The following AHRR variants were observed in gnomAD, a reference collection of about 807,000 sequenced individuals.
AHRR encodes aryl hydrocarbon receptor repressor.
In AHRR, 28 loss-of-function variants were observed where a neutral mutation model predicts 44.0. The observed-to-expected ratio is 0.64, with a 90% CI of 0.47 to 0.87. The LOEUF (loss-of-function observed/expected upper bound fraction) is 0.87, where lower values mean the gene tolerates loss of function less well. Among genes scored for constraint, AHRR ranks in the 40% least tolerant of loss-of-function variants. The pLI is 0.00. For missense variants in AHRR, 990 were observed against 953.9 expected (o/e 1.04, Z -0.50); for synonymous variants, 434 against 407.0 (o/e 1.07, Z -0.80).
chr5:400,375 G>A (rs1734963019), intron 4 of AHRR, among the ~76,000 whole-genome samples: 1 of 152,164 alleles, frequency 6.6e-6, no homozygotes, highest in Non-Finnish European at 1.5e-5. Flanking sequence ...GCCCTCACCT[G>A]CCTCGGCCCT....
chr5:409,676 A>G (rs980261623), intron 4 of AHRR, among the ~76,000 whole-genome samples: 2 of 150,740 alleles, frequency 1.3e-5, no homozygotes, highest in Non-Finnish European at 3.0e-5. Context: ...TTAATTGTTG[A>G]TTTGTAGCAG....
intron 3 of AHRR, among the ~76,000 whole-genome samples, chr5:374,192 G>A (rs1330859994): frequency 1.3e-5 from 2 of 152,090 alleles, no homozygotes; most frequent in African/African-American, 4.8e-5. Context: ...GGACCTCGGC[G>A]GGGAGCGCCC....
chr5:372,791 T>C (rs1328633724), intron 3 of AHRR, among the ~76,000 whole-genome samples: 1 of 152,166 alleles, frequency 6.6e-6, no homozygotes, highest in African/African-American at 2.4e-5. Flanking sequence ...GCCTTCTGGC[T>C]CCTCCTCCAC....
rs1439264470 is a variant in AHRR, at chr5:423,898, C to T, written c.629C>T (p.Pro210Leu). The change falls in exon 7 of 11, where the codon CCC (proline) becomes CTC (leucine). Residue 210 changes from proline (P) to leucine (L), a missense_variant. Coordinates refer to ENST00000684583, the MANE Select transcript of AHRR (RefSeq NM_001377236.1). ...LRAQEWGTGT[P>L]TEYSAFLTRC... ...GCCCAGGAGTGGGGCACAGGCACGC[C>T]CACCGAGTACTCGGCCTTCCTGACC... The T allele has an allele frequency of 1.1e-5, 18 of 1,604,542 alleles. No individual in the cohort carries two copies. Among genetic ancestry groups the T allele is most frequent in the Non-Finnish European group, 1.4e-5 (17 of 1,179,888 alleles).
At chr5:427,598 G>C in intron 7 of AHRR, 1 of 1,609,612 alleles carries the variant, frequency 6.2e-7, no homozygotes, top group Non-Finnish European at 8.5e-7. Context: ...AGTGGGGGAT[G>C]GTTTCAGGAT....
chr5:426,805 G>A (rs1736424812), intron 7 of AHRR, among the ~76,000 whole-genome samples: 1 of 149,284 alleles, frequency 6.7e-6, no homozygotes. Context: ...TGGATGGATG[G>A]ATGGATAGAT....
intron 4 of AHRR, among the ~76,000 whole-genome samples, chr5:407,880 T>G (rs1254511325): frequency 1.3e-5 from 2 of 152,254 alleles, no homozygotes; most frequent in East Asian, 3.8e-4. Context: ...GTTTTCCTGA[T>G]GTACTATGAT....
At chr5:359,902 G>A (rs963208361) in intron 3 of AHRR, among the ~76,000 whole-genome samples, 1 of 152,144 alleles carries the variant, frequency 6.6e-6, no homozygotes, top group African/African-American at 2.4e-5. Flanking sequence ...TTGAGATTAC[G>A]AGTGATTGTG....
At chr5:332,263 CT>C (rs36049046) in intron 1 of AHRR, among the ~76,000 whole-genome samples, 15,885 of 116,958 alleles carry the variant, frequency 0.14, 3,189 homozygotes, top group African/African-American at 0.46. Context: ...TCTGTTAAGA[CT>C]TTTTTTTTTT....
chr5:418,875 C>G (rs1362251766), intron 5 of AHRR: 1 of 152,944 alleles, frequency 6.5e-6, no homozygotes, highest in Non-Finnish European at 1.5e-5. Flanking sequence ...TGCCATGTGC[C>G]TCTGGCGCAA....
chr5:434,939 C>T lies in AHRR; in HGVS notation c.*105C>T, dbSNP rs978779556. On this transcript the variant is annotated 3_prime_UTR_variant, in exon 11 of 11. Transcript: ENST00000684583. ...AGGCCGGAGCCCGTCCTAAGACACA[C>T]GCTTTGCAGAGCTGTGCATGCGCAG... The T allele has an allele frequency of 3.6e-5, 51 of 1,422,436 alleles. No homozygotes were observed. The highest frequency in any genetic ancestry group is 5.1e-4 in the Middle Eastern group (2 of 3,958). 88.1% of individuals were successfully genotyped at this position (1,422,436 alleles called of 1,614,324 possible).
intron 2 of AHRR, among the ~76,000 whole-genome samples, chr5:347,386 A>C (rs964033126): frequency 2.6e-5 from 4 of 152,208 alleles, no homozygotes; most frequent in Non-Finnish European, 5.9e-5. Flanking sequence ...GTCGATCTTT[A>C]CTTTTGTGGC....
rs1374331247 is a variant in AHRR at position 343,619 on chromosome 5, C to T, written c.-10-274C>T. The T allele has an allele frequency of 1.3e-5, 6 of 459,124 alleles. No homozygotes were observed. The South Asian group carries it at 1.8e-4, about 14-fold the overall frequency. The allele number at this position is 459,124 out of a possible 1,614,324, so 28.4% of individuals were successfully genotyped here. On this transcript the variant is annotated intron_variant, in intron 1 of 10. Coordinates refer to ENST00000684583, the MANE Select transcript of AHRR (RefSeq NM_001377236.1). ...TCCCGCCACGGCGCCCTGAGCCAGG[C>T]TCCAGAGCAGGCGGCTTCTCTGGGG...
At chr5:344,356 C>CGT (rs1742491624) in intron 2 of AHRR, among the ~76,000 whole-genome samples, 1 of 148,134 alleles carries the variant, frequency 6.8e-6, no homozygotes, top group African/African-American at 2.5e-5. Flanking sequence ...CGGGTGTGTG[C>CGT]GTGTGTGGCG....
intron 4 of AHRR, among the ~76,000 whole-genome samples, chr5:382,701 G>A (rs1217227914): frequency 6.6e-6 from 1 of 151,644 alleles, no homozygotes; most frequent in Non-Finnish European, 1.5e-5. Context: ...TCTTTTTCTA[G>A]AGTTTTAAGG....
chr5:354,247 C>T (rs1742964347), intron 3 of AHRR, among the ~76,000 whole-genome samples: 1 of 152,246 alleles, frequency 6.6e-6, no homozygotes, highest in Admixed American at 6.5e-5. Flanking sequence ...GGGGCTGTTC[C>T]TCCCCGTGCT....
rs969680728 is a variant in AHRR at position 326,436 on chromosome 5, C to G, written c.-11+4617C>G. ...GCCAGGGCTTCCTTCCTTTTCATGGCTGAATAATATTTCATCTTATGAAGA... is the reference window on the plus strand; with the variant it reads ...GCCAGGGCTTCCTTCCTTTTCATGGGTGAATAATATTTCATCTTATGAAGA... On this transcript the variant is annotated intron_variant, in intron 1 of 10. Coordinates refer to ENST00000684583, the MANE Select transcript of AHRR (RefSeq NM_001377236.1). The surrounding 1 kb of genome is among the most constrained non-coding windows in gnomAD (Gnocchi z 4.1). 6.6e-6 allele frequency among the ~76,000 whole-genome samples: 1 copy of G among 152,242 alleles called. No homozygotes were observed. Among genetic ancestry groups the G allele is most frequent in the African/African-American group, 2.4e-5 (1 of 41,458 alleles).
chr5:410,853 T>C (rs1735442914), intron 4 of AHRR, among the ~76,000 whole-genome samples: 2 of 152,236 alleles, frequency 1.3e-5, no homozygotes, highest in Non-Finnish European at 1.5e-5. Context: ...TTCTAGTTCT[T>C]CTTATATCAC....
In AHRR at chr5:421,385, C is replaced by G. The variant is rs758214975; in HGVS notation, c.442-1344C>G. The G allele has an allele frequency of 5.0e-6, 3 of 604,212 alleles. No homozygotes were observed. In the African/African-American group the frequency reaches 5.8e-5, roughly 12 times the overall value. The allele number at this position is 604,212 out of a possible 1,614,324, so 37.4% of individuals were successfully genotyped here. A position where few individuals can be genotyped will look rare whatever the true frequency, so the allele number is the denominator to read the frequency against. Reference sequence around the variant, plus strand: ...GTGGAGTCCGCGCACAGTACCAGCCCCCACACGGAGGGCGGCCCGGACTCA... The same window carrying G: ...GTGGAGTCCGCGCACAGTACCAGCCGCCACACGGAGGGCGGCCCGGACTCA... On this transcript the variant is annotated intron_variant, in intron 5 of 10. Coordinates refer to ENST00000684583, the MANE Select transcript of AHRR (RefSeq NM_001377236.1).
Sources: gnomAD v4.1 joint callset for allele counts (sites outside exome capture counted in the v4.1 genomes callset) on GRCh38, gnomAD v4.1.1 for gene constraint, Gnocchi (gnomAD v3.1) non-coding constraint, MANE v1.5 for transcripts, NCBI Gene and HGNC (gene_info 2026-07-23, HGNC 2026-07-21) for gene names.